IPO13: variants seen among roughly 807,000 people sequenced by gnomAD.
The protein encoded by IPO13 is importin-13.
IPO13 carries 28 observed loss-of-function variants against 115.5 expected under a neutral mutation model. The ratio of observed to expected loss-of-function variants is 0.24; its 90% CI spans 0.18 to 0.33. The LOEUF is 0.33. Ranked by LOEUF, IPO13 falls within the 10% of genes least tolerant of loss-of-function variation. The probability of loss-of-function intolerance (pLI) is 1.00; values close to 1 mark genes in which losing one functional copy is unlikely to be tolerated. For synonymous variants in IPO13, 414 were observed against 478.9 expected, an observed-to-expected ratio of 0.86 and a Z score of 1.77; for missense variants, 785 against 1,204.6, an observed-to-expected ratio of 0.65 and a Z score of 5.16.
Position 43,947,666 on chromosome 1 carries a change from T to C in IPO13, c.66T>C (p.Thr22=). 7.5e-7 allele frequency: 1 copy of C among 1,324,678 alleles called. No homozygotes were observed. Among genetic ancestry groups the C allele is most frequent in the South Asian group, 2.2e-5 (1 of 46,036 alleles). The allele number at this position is 1,324,678 out of a possible 1,614,324, so 82.1% of individuals were successfully genotyped here. A position where few individuals can be genotyped will look rare whatever the true frequency, so the allele number is the denominator to read the frequency against. The change falls in exon 1 of 20, where the codon ACT becomes ACC. Residue 22 remains threonine (T), a synonymous_variant. Coordinates refer to ENST00000372343, the MANE Select transcript of IPO13 (RefSeq NM_014652.4). ...GAGCAGCACCAGCCTTGGACTTCAC[T>C]GTGGAGAACGTGGAGAAGGTATGAG... ...GAGAAPALDF[T]VENVEKALHQ...
At chr1:43,949,209 G>A (rs557702469) in intron 1 of IPO13, among the ~76,000 whole-genome samples, 1 of 152,314 alleles carries the variant, frequency 6.6e-6, no homozygotes, top group Admixed American at 6.5e-5. Context: ...AGGAGAAGAG[G>A]ATATGGTAGA....
Position 43,958,046 on chromosome 1 carries a change from C to G in IPO13, c.1610C>G (p.Ala537Gly), listed in dbSNP as rs1557633013. 1 of 1,614,146 alleles carries G rather than the reference C, an allele frequency of 6.2e-7. No individual in the cohort carries two copies. The highest frequency in any genetic ancestry group is 8.5e-7 in the Non-Finnish European group (1 of 1,180,004). ...AGTGTTCTGCCCTTGGTACTGCATG[C>G]CCTAGGCAATCCTGAGCTGTCTGTC... Reference protein sequence around the residue: ...INSVLPLVLHALGNPELSVSS... With the variant: ...INSVLPLVLHGLGNPELSVSS... Residue 537 changes from alanine (A) to glycine (G), a missense_variant, in exon 8 of 20, where the codon GCC (alanine) becomes GGC (glycine). Physicochemically the swap from Ala to Gly is moderately conservative, Grantham distance 60 (BLOSUM62 0). This residue lies in a region of IPO13 where 175 missense variants were observed against 360.0 expected (regional missense o/e 0.49). Transcript: ENST00000372343. This position sits in a 1 kb window ranked among gnomAD's most constrained non-coding sequence, Gnocchi z 6.3.
intron 11 of IPO13, 99 bp from the exon 12 acceptor site, chr1:43,960,150 T>C: frequency 9.4e-7 from 1 of 1,061,042 alleles, no homozygotes; most frequent in Non-Finnish European, 1.5e-6. Flanking sequence ...TCTGGGGTAA[T>C]AGGTCTGAAC....
Position 43,961,209 on chromosome 1 carries a change from T to C in IPO13, c.2291T>C (p.Ile764Thr), listed in dbSNP as rs764117543. 16 of 1,614,040 alleles carry C rather than the reference T, an allele frequency of 9.9e-6. No individual in the cohort carries two copies. The highest frequency in any genetic ancestry group is 3.4e-6 in the Non-Finnish European group (4 of 1,180,004). Residue 764 changes from isoleucine to threonine, a missense_variant, in exon 14 of 20, where the codon ATT becomes ACT. Physicochemically the swap from Ile to Thr is moderately conservative, Grantham distance 89. Around this residue, in one of 3 missense-constraint regions of IPO13, gnomAD observed 285 missense variants for 394.8 expected, o/e 0.72. Transcript: ENST00000372343. ...FAHEPAHFPP[I>T]EALFLLVTSV... The stretch of plus-strand genomic sequence containing the variant: ...CATGAGCCTGCCCACTTTCCCCCAA[T>C]TGAGGCCCTCTTCCTGCTCGTCACC...
chr1:43,966,119 A>C lies in IPO13; in HGVS notation c.2398-456A>C. On this transcript the variant is annotated intron_variant, in intron 15 of 19. Coordinates refer to ENST00000372343, the MANE Select transcript of IPO13 (RefSeq NM_014652.4). The surrounding 1 kb of genome is among the most constrained non-coding windows in gnomAD (Gnocchi z 4.1). ...AGGGTGCCTCAGGAATACAGGAGGGACATGGGAGGAGGGCTGTTGGGCTGA... is the reference window on the plus strand; with the variant it reads ...AGGGTGCCTCAGGAATACAGGAGGGCCATGGGAGGAGGGCTGTTGGGCTGA... The C allele has an allele frequency of 4.1e-6, 1 of 241,838 alleles. No homozygotes were observed. The highest frequency in any genetic ancestry group is 5.2e-5 in the South Asian group (1 of 19,414). The allele number at this position is 241,838 out of a possible 1,614,324, so 15.0% of individuals were successfully genotyped here.
Position 43,958,870 on chromosome 1 carries a change from T to C in IPO13, c.2009T>C (p.Val670Ala), listed in dbSNP as rs777981526. 1 of 1,614,114 alleles carries C rather than the reference T, an allele frequency of 6.2e-7. No individual in the cohort carries two copies. Among genetic ancestry groups the C allele is most frequent in the Admixed American group, 1.7e-5 (1 of 60,028 alleles). Reference sequence around the variant, plus strand: ...GGCCCTGAGCTTCGGAAGCTGCCAGTGCCACAGGGACCCAACCCCGTGGGT... The same window carrying C: ...GGCCCTGAGCTTCGGAAGCTGCCAGCGCCACAGGGACCCAACCCCGTGGGT... Reference protein sequence around the residue: ...HEGPELRKLPVPQGPNPVVVV... With the variant: ...HEGPELRKLPAPQGPNPVVVV... Residue 670 changes from valine to alanine, a missense_variant, in exon 11 of 20, where the codon GTG (valine) becomes GCG (alanine). Transcript: ENST00000372343. The surrounding 1 kb of genome is among the most constrained non-coding windows in gnomAD (Gnocchi z 6.3).
At position 43,958,342 on chromosome 1, in the gene IPO13, TG is replaced by T. The variant is rs2085265793; in HGVS notation, c.1749+76del. 5 of 1,610,926 alleles carry T rather than the reference TG, an allele frequency of 3.1e-6. No homozygotes were observed. The Admixed American group carries it at 8.3e-5, about 27-fold the overall frequency. The stretch of plus-strand genomic sequence containing the variant: ...CACTTATCCCTGAAATCCTGTTTTT[TG>T]GCCTTCCCCTTCCTCTTATCCCTTA... On this transcript the variant is annotated intron_variant, in intron 9 of 19. Transcript: ENST00000372343. The surrounding 1 kb of genome is among the most constrained non-coding windows in gnomAD (Gnocchi z 6.3).
At chr1:43,957,687 T>C in intron 7 of IPO13, 138 bp downstream of exon 7, 1 of 1,113,858 alleles carries the variant, frequency 9.0e-7, no homozygotes, top group Non-Finnish European at 1.3e-6. Flanking sequence ...AAACTGACTG[T>C]CCTGGCAGGT....
chr1:43,948,598 G>A (rs1027609006), intron 1 of IPO13, among the ~76,000 whole-genome samples: 1 of 152,190 alleles, frequency 6.6e-6, no homozygotes, highest in African/African-American at 2.4e-5. Context: ...AGCTTACTTG[G>A]ATGGAGCCTG....
intron 1 of IPO13, among the ~76,000 whole-genome samples, chr1:43,948,210 G>T (rs1183368964): frequency 6.6e-6 from 1 of 152,236 alleles, no homozygotes; most frequent in Non-Finnish European, 1.5e-5. Flanking sequence ...GTCTCCCTTT[G>T]TTTTGTGCTG....
Position 43,947,623 on chromosome 1 carries a change from C to A in IPO13, c.23C>A (p.Pro8Gln). The change falls in exon 1 of 20, where the codon CCG (proline) becomes CAG (glutamine). Residue 8 changes from proline to glutamine, a missense_variant. Pro to Gln is a moderately conservative substitution (Grantham distance 76). Coordinates refer to ENST00000372343, the MANE Select transcript of IPO13 (RefSeq NM_014652.4). MERREEQ[P>Q]GAAGAGAAPA... ...AAGATGGAGCGGCGGGAGGAGCAGC[C>A]GGGGGCTGCAGGGGCTGGAGCAGCA... 1 of 1,327,374 alleles carries A rather than the reference C, an allele frequency of 7.5e-7. No homozygotes were observed. Among genetic ancestry groups the A allele is most frequent in the African/African-American group, 1.5e-5 (1 of 65,596 alleles). The allele number at this position is 1,327,374 out of a possible 1,614,324, so 82.2% of individuals were successfully genotyped here. A position where few individuals can be genotyped will look rare whatever the true frequency, so the allele number is the denominator to read the frequency against.
chr1:43,966,375 T>C lies in IPO13; in HGVS notation c.2398-200T>C, dbSNP rs2085324682. 4.8e-6 allele frequency: 3 copies of C among 627,916 alleles called. No homozygotes were observed. The highest frequency in any genetic ancestry group is 8.6e-6 in the Non-Finnish European group (3 of 348,134). 38.9% of individuals were successfully genotyped at this position (627,916 alleles called of 1,614,324 possible). On this transcript the variant is annotated intron_variant, in intron 15 of 19. Coordinates refer to ENST00000372343, the MANE Select transcript of IPO13 (RefSeq NM_014652.4). The surrounding 1 kb of genome is among the most constrained non-coding windows in gnomAD (Gnocchi z 4.1). ...ACCTGCGTGTTCATGTACACATACA[T>C]GTACATAGCATCCCTTGAGCTGTCC...
intron 15 of IPO13, among the ~76,000 whole-genome samples, chr1:43,965,015 ATGTGT>A (rs1261379012): frequency 1.3e-5 from 2 of 151,804 alleles, no homozygotes; most frequent in South Asian, 4.2e-4. Flanking sequence ...CTGTATGTTG[ATGTGT>A]TGTGTGTTTT....
At chr1:43,957,919 T>C in intron 7 of IPO13, 58 bp from the exon 8 acceptor site, 2 of 1,550,340 alleles carry the variant, frequency 1.3e-6, no homozygotes. Context: ...CTCAGAGACA[T>C]GGTACAAAGC....
rs2154302463 is a variant in IPO13, at chr1:43,966,135, G to C, written c.2398-440G>C. The C allele has an allele frequency of 3.8e-6, 1 of 261,184 alleles. No homozygotes were observed. Among genetic ancestry groups the C allele is most frequent in the Non-Finnish European group, 7.6e-6 (1 of 130,978 alleles). 16.2% of individuals were successfully genotyped at this position (261,184 alleles called of 1,614,324 possible). A position where few individuals can be genotyped will look rare whatever the true frequency, so the allele number is the denominator to read the frequency against. On this transcript the variant is annotated intron_variant, in intron 15 of 19. Coordinates refer to ENST00000372343, the MANE Select transcript of IPO13 (RefSeq NM_014652.4). The surrounding 1 kb of genome is among the most constrained non-coding windows in gnomAD (Gnocchi z 4.1). ...ACAGGAGGGACATGGGAGGAGGGCTGTTGGGCTGAGGGCTCCCTGTCTGGC... is the reference window on the plus strand; with the variant it reads ...ACAGGAGGGACATGGGAGGAGGGCTCTTGGGCTGAGGGCTCCCTGTCTGGC...
At position 43,957,213 on chromosome 1, in the gene IPO13, G is replaced by C; in HGVS notation, c.1290G>C (p.Thr430=). The C allele has an allele frequency of 1.2e-6, 2 of 1,614,044 alleles. No individual in the cohort carries two copies. Among genetic ancestry groups the C allele is most frequent in the Non-Finnish European group, 1.7e-6 (2 of 1,179,972 alleles). Residue 430 remains threonine (T), a synonymous_variant, in exon 6 of 20, where the codon ACG becomes ACC. Coordinates refer to ENST00000372343, the MANE Select transcript of IPO13 (RefSeq NM_014652.4). ...TTCTCAGGGTGGACATCTCAGACAC[G>C]CTCATGTATGTCTATGAGATGTTGG... ...FRIYRVDISD[T]LMYVYEMLGA...
At position 43,957,357 on chromosome 1, in the gene IPO13, C is replaced by T. The variant is rs923330424; in HGVS notation, c.1392+42C>T. The stretch of plus-strand genomic sequence containing the variant: ...ATTCCCTCAGCCTTCCCAGACCTGT[C>T]ACACCCTCCTCCTCATCCAAGCCAG... On this transcript the variant is annotated intron_variant, in intron 6 of 19. Coordinates refer to ENST00000372343, the MANE Select transcript of IPO13 (RefSeq NM_014652.4). 5 of 1,613,602 alleles carry T rather than the reference C, an allele frequency of 3.1e-6. No individual in the cohort carries two copies. The African/African-American group carries it at 4.0e-5, about 13-fold the overall frequency.
At chr1:43,964,380 T>C in intron 15 of IPO13, 59 bp downstream of exon 15, 1 of 1,359,324 alleles carries the variant, frequency 7.4e-7, no homozygotes, top group Non-Finnish European at 1.0e-6. Context: ...TCTCTTATGT[T>C]GAAATTCAAT....
chr1:43,951,232 A>G (rs949493023), intron 2 of IPO13, among the ~76,000 whole-genome samples: 1 of 152,214 alleles, frequency 6.6e-6, no homozygotes, highest in African/African-American at 2.4e-5. Flanking sequence ...GGGAGCACAG[A>G]GACAAATGCT....
Sources: allele counts gnomAD v4.1 joint callset (sites outside exome capture counted in the v4.1 genomes callset), GRCh38; gene constraint gnomAD v4.1.1; regional missense constraint gnomAD v4.1.1; non-coding constraint Gnocchi (gnomAD v3.1); transcripts MANE v1.5; gene names NCBI Gene and HGNC (gene_info 2026-07-23, HGNC 2026-07-21).